COX10: variants seen among roughly 807,000 people sequenced by gnomAD.
COX10 encodes the protein cytochrome c oxidase assembly factor heme A:farnesyltransferase COX10, also known as protoheme IX farnesyltransferase, mitochondrial.
A neutral mutation model predicts 37.3 loss-of-function variants in COX10; 27 were observed. That is an observed-to-expected ratio of 0.72 (90% CI 0.53 to 1.00). COX10 has a LOEUF of 1.00. COX10 is among the 50% of genes least tolerant of loss of function. The probability of loss-of-function intolerance (pLI) is 0.00; values close to 1 mark genes in which losing one functional copy is unlikely to be tolerated. For synonymous variants in COX10, 222 were observed against 229.1 expected, an observed-to-expected ratio of 0.97 and a Z score of 0.28; for missense variants, 475 against 563.2, an observed-to-expected ratio of 0.84 and a Z score of 1.59.
In COX10 at chr17:14,096,401, G is replaced by A. The variant is rs1404788715; in HGVS notation, c.500-5717G>A. 3.4e-5 allele frequency among the ~76,000 whole-genome samples: 4 copies of A among 119,332 alleles called. No homozygotes were observed. The East Asian group carries it at 7.8e-4, about 23-fold the overall frequency. The allele number at this position is 119,332 out of a possible 152,430, so 78.3% of individuals were successfully genotyped here. A position where few individuals can be genotyped will look rare whatever the true frequency, so the allele number is the denominator to read the frequency against. On this transcript the variant is annotated intron_variant, in intron 3 of 6. Coordinates refer to ENST00000261643, the MANE Select transcript of COX10 (RefSeq NM_001303.4). ...TTCTTTTTTTTTTTTTTTTGAGCTGGCCTTGCTCTGTTGCCCAGGCTGGAG... is the reference window on the plus strand; with the variant it reads ...TTCTTTTTTTTTTTTTTTTGAGCTGACCTTGCTCTGTTGCCCAGGCTGGAG...
chr17:14,162,864 T>C (rs954124486), intron 5 of COX10, among the ~76,000 whole-genome samples: 2 of 152,194 alleles, frequency 1.3e-5, no homozygotes, highest in Non-Finnish European at 2.9e-5. Context: ...ACCAATAAAG[T>C]TTATTTTTTC....
At chr17:14,093,674 C>G (rs893587467) in intron 3 of COX10, among the ~76,000 whole-genome samples, 1 of 152,116 alleles carries the variant, frequency 6.6e-6, no homozygotes, top group African/African-American at 2.4e-5. Context: ...TTCTGCCCAC[C>G]TCCAGTATGG....
At chr17:14,134,461 A>C (rs552986426) in intron 4 of COX10, among the ~76,000 whole-genome samples, 1 of 151,952 alleles carries the variant, frequency 6.6e-6, no homozygotes, top group South Asian at 2.1e-4. Context: ...GGTTGTTCAC[A>C]TTGGGAGATG....
chr17:14,106,492 A>G (rs1915896026), intron 4 of COX10, among the ~76,000 whole-genome samples: 1 of 152,216 alleles, frequency 6.6e-6, no homozygotes, highest in South Asian at 2.1e-4. Context: ...TTTTCTAAAA[A>G]TATGTGGTCA....
chr17:14,154,928 G>C (rs1905000728), intron 4 of COX10, among the ~76,000 whole-genome samples: 1 of 152,198 alleles, frequency 6.6e-6, no homozygotes, highest in Non-Finnish European at 1.5e-5. Flanking sequence ...TGAGAAGCTT[G>C]AAAGTAGCGT....
intron 4 of COX10, among the ~76,000 whole-genome samples, chr17:14,150,414 T>C (rs983944185): frequency 2.6e-5 from 4 of 152,246 alleles, no homozygotes; most frequent in Non-Finnish European, 5.9e-5. Context: ...AAAGGTGTTA[T>C]TCCTTTCCGT....
At chr17:14,116,654 T>TACACAC (rs71352451) in intron 4 of COX10, among the ~76,000 whole-genome samples, 438 of 150,500 alleles carry the variant, frequency 2.9e-3, no homozygotes, top group African/African-American at 7.5e-3. Flanking sequence ...TGCATGCATG[T>TACACAC]ACACACACAC....
intron 4 of COX10, among the ~76,000 whole-genome samples, chr17:14,144,730 T>G (rs1904657322): frequency 6.6e-6 from 1 of 152,152 alleles, no homozygotes; most frequent in South Asian, 2.1e-4. Flanking sequence ...TAGAAAGAGC[T>G]TAACTCCACC....
At chr17:14,151,359 C>G (rs1344012563) in intron 4 of COX10, among the ~76,000 whole-genome samples, 1 of 152,008 alleles carries the variant, frequency 6.6e-6, no homozygotes, top group East Asian at 1.9e-4. Flanking sequence ...GTTGCTTGTC[C>G]GGCAAAATTT....
chr17:14,079,636 C>T (rs1313256860), intron 3 of COX10, among the ~76,000 whole-genome samples: 2 of 151,940 alleles, frequency 1.3e-5, no homozygotes, highest in African/African-American at 2.4e-5. Context: ...TTACCTTTTA[C>T]GTATTTTAAA....
chr17:14,116,008 C>G (rs1002607748), intron 4 of COX10, among the ~76,000 whole-genome samples: 1 of 152,094 alleles, frequency 6.6e-6, no homozygotes, highest in Non-Finnish European at 1.5e-5. Context: ...CTACCCCATA[C>G]ATTTATTTTT....
intron 4 of COX10, among the ~76,000 whole-genome samples, chr17:14,103,861 A>G (rs973602558): frequency 2.0e-5 from 3 of 152,198 alleles, no homozygotes; most frequent in African/African-American, 7.2e-5. Flanking sequence ...TTTTTGCTAT[A>G]GGGAGCGAGT....
intron 6 of COX10, among the ~76,000 whole-genome samples, chr17:14,202,669 A>G (rs1300314044): frequency 6.6e-6 from 1 of 152,052 alleles, no homozygotes; most frequent in Admixed American, 6.6e-5. Flanking sequence ...TCGTGTCTCT[A>G]CCGTGAGCAC....
At chr17:14,128,985 A>G (rs1385402087) in intron 4 of COX10, among the ~76,000 whole-genome samples, 2 of 152,124 alleles carry the variant, frequency 1.3e-5, no homozygotes, top group East Asian at 3.9e-4. Flanking sequence ...ACCTGGTATT[A>G]CAGGCAAGCG....
At chr17:14,114,681 C>G (rs1481759264) in intron 4 of COX10, among the ~76,000 whole-genome samples, 3 of 152,070 alleles carry the variant, frequency 2.0e-5, no homozygotes, top group Admixed American at 2.0e-4. Flanking sequence ...GGTGAAAGAC[C>G]TATAGTCATA....
At chr17:14,124,753 T>G (rs138448555) in intron 4 of COX10, among the ~76,000 whole-genome samples, 1 of 152,088 alleles carries the variant, frequency 6.6e-6, no homozygotes, top group Non-Finnish European at 1.5e-5. Context: ...CATTTCTTTA[T>G]CTATCATAAT....
rs1450028009 is a variant in COX10 at position 14,130,526 on chromosome 17, A to G, written c.624+28284A>G. 1.6e-3 allele frequency among the ~76,000 whole-genome samples: 3 copies of G among 1,872 alleles called. No homozygotes were observed. In the Non-Finnish European group the frequency reaches 0.041, roughly 25 times the overall value. 1.2% of individuals were successfully genotyped at this position (1,872 alleles called of 152,430 possible). On this transcript the variant is annotated intron_variant, in intron 4 of 6. Coordinates refer to ENST00000261643, the MANE Select transcript of COX10 (RefSeq NM_001303.4). ...TTAGGTGTTTGGCTTATGTAATTCC[A>G]TCATCTATTTAAACTCAGCTCTTTC...
intron 6 of COX10, among the ~76,000 whole-genome samples, chr17:14,197,129 T>C (rs1451626145): frequency 6.6e-6 from 1 of 152,200 alleles, no homozygotes; most frequent in African/African-American, 2.4e-5. Context: ...CAGCCTCATA[T>C]ATTGAAGGCC....
chr17:14,207,549 A>AATGATACGG lies in COX10; in HGVS notation c.*336_*337insATGATACGG. The AATGATACGG allele has an allele frequency of 8.2e-6, 2 of 244,034 alleles. No homozygotes were observed. The highest frequency in any genetic ancestry group is 8.0e-6 in the Non-Finnish European group (1 of 124,810). The allele number at this position is 244,034 out of a possible 1,614,324, so 15.1% of individuals were successfully genotyped here. ...AGCTTCCTCTTTTGGTTCCATCCTT[A>AATGATACGG]CCACCACACCACACGCACACTCCAC... On this transcript the variant is annotated 3_prime_UTR_variant, in exon 7 of 7. Transcript: ENST00000261643.
Sources: gnomAD v4.1 joint callset for allele counts (sites outside exome capture counted in the v4.1 genomes callset) on GRCh38, gnomAD v4.1.1 for gene constraint, MANE v1.5 for transcripts, NCBI Gene and HGNC (gene_info 2026-07-23, HGNC 2026-07-21) for gene names.